The following PCDHA5 variants were observed in gnomAD, a reference collection of about 807,000 sequenced individuals.
PCDHA5 encodes the protein protocadherin alpha-5.
In PCDHA5, 43 loss-of-function variants were observed where a neutral mutation model predicts 61.6. That is an observed-to-expected ratio of 0.70 (90% confidence interval 0.55 to 0.90). PCDHA5 has a LOEUF of 0.90. Ranked by LOEUF, PCDHA5 falls within the 40% of genes least tolerant of loss-of-function variation. The pLI is 0.00. For synonymous variants in PCDHA5, 627 were observed against 543.9 expected (o/e 1.15, Z -2.13); for missense variants, 1,298 against 1,222.7 (o/e 1.06, Z -0.92).
At chr5:140,946,516 C>T (rs551838143) in intron 1 of PCDHA5, among the ~76,000 whole-genome samples, 42 of 151,130 alleles carry the variant, frequency 2.8e-4, no homozygotes, top group African/African-American at 8.3e-4. Flanking sequence ...AAGACCTATC[C>T]GCACTCCCAT....
At chr5:140,828,051 CG>C in intron 1 of PCDHA5, 1 of 1,545,276 alleles carries the variant, frequency 6.5e-7, no homozygotes, top group East Asian at 2.3e-5. Flanking sequence ...TATCTTTATG[CG>C]GAAGATCTTC....
intron 1 of PCDHA5, among the ~76,000 whole-genome samples, chr5:140,940,415 A>G (rs1187271340): frequency 2.0e-5 from 3 of 152,118 alleles, no homozygotes; most frequent in African/African-American, 7.2e-5. Flanking sequence ...TAAAAATTAT[A>G]ATTATTACTG....
At chr5:140,843,626 C>G (rs1779006743) in intron 1 of PCDHA5, 2 of 1,596,058 alleles carry the variant, frequency 1.3e-6, no homozygotes, top group East Asian at 4.5e-5. Context: ...GAAGACGGAC[C>G]TCATGGCCTT....
At position 140,849,901 on chromosome 5, in the gene PCDHA5, C is replaced by T. The variant is rs1554143464; in HGVS notation, c.2352+25774C>T. On this transcript the variant is annotated intron_variant, in intron 1 of 3. Coordinates refer to ENST00000529859, the MANE Select transcript of PCDHA5 (RefSeq NM_018908.3). ...ACGGTGTTCGTGAAGGAGAACAACC[C>T]GCCGGGCTGCCACATCTTCACGGTG... 8.1e-6 allele frequency: 13 copies of T among 1,598,462 alleles called. 2 individuals are homozygous for T. The highest frequency in any genetic ancestry group is 1.1e-5 in the South Asian group (1 of 90,542).
chr5:140,882,816 A>C, intron 1 of PCDHA5: 3 of 1,614,266 alleles, frequency 1.9e-6, no homozygotes, highest in Non-Finnish European at 2.5e-6. Flanking sequence ...TTGGACGCAC[A>C]AAACAGTCTT....
Position 140,982,581 on chromosome 5 carries a change from C to T in PCDHA5, c.2500+18C>T, listed in dbSNP as rs782060139. On this transcript the variant is annotated intron_variant, in intron 3 of 3. Transcript: ENST00000529859. ...AACACCAGGTAAAGAGCTGGGGTCT[C>T]TCCATTCTTTCTTGGTTTCTGGAAA... 9 of 1,612,098 alleles carry T rather than the reference C, an allele frequency of 5.6e-6. No individual in the cohort carries two copies. The highest frequency in any genetic ancestry group is 4.0e-5 in the African/African-American group (3 of 74,892).
chr5:140,902,324 C>T (rs1554190388), intron 1 of PCDHA5, among the ~76,000 whole-genome samples: 1 of 151,472 alleles, frequency 6.6e-6, no homozygotes, highest in Non-Finnish European at 1.5e-5. Flanking sequence ...AGGTGTAACT[C>T]ACTTCGCCTG....
rs782527674 is a variant in PCDHA5 at position 140,876,124 on chromosome 5, G to A, written c.2352+51997G>A. 162 of 1,613,780 alleles carry A rather than the reference G, an allele frequency of 1.0e-4. No individual in the cohort carries two copies. The highest frequency in any genetic ancestry group is 1.3e-4 in the Non-Finnish European group (152 of 1,179,892). ...TTTATTGCTGATGGTAATCGATGGC[G>A]GTAAACCAGAACTAACAGGGTCTGT... On this transcript the variant is annotated intron_variant, in intron 1 of 3. Coordinates refer to ENST00000529859, the MANE Select transcript of PCDHA5 (RefSeq NM_018908.3).
At chr5:140,837,754 G>A (rs2150279444) in intron 1 of PCDHA5, among the ~76,000 whole-genome samples, 1 of 151,678 alleles carries the variant, frequency 6.6e-6, no homozygotes, top group Middle Eastern at 3.4e-3. Context: ...ATAGCCCACT[G>A]CAACCTGAAA....
At chr5:140,924,902 A>AAAAAAT (rs1554202311) in intron 1 of PCDHA5, among the ~76,000 whole-genome samples, 400 of 39,066 alleles carry the variant, frequency 0.01, 1 homozygote, top group Middle Eastern at 0.023. Flanking sequence ...CTCAAAAAAA[A>AAAAAAT]AAATAAAATA....
chr5:140,938,797 G>A (rs76361474), intron 1 of PCDHA5, among the ~76,000 whole-genome samples: 2 of 151,926 alleles, frequency 1.3e-5, no homozygotes, highest in East Asian at 1.9e-4. Flanking sequence ...TGAAATAATC[G>A]GTACCACAAA....
chr5:140,884,604 G>A lies in PCDHA5; in HGVS notation c.2352+60477G>A. The A allele has an allele frequency of 1.2e-6, 2 of 1,614,140 alleles. 1 individual carries two copies. Among genetic ancestry groups the A allele is most frequent in the Middle Eastern group, 3.3e-4 (2 of 6,062 alleles). On this transcript the variant is annotated intron_variant, in intron 1 of 3. Coordinates refer to ENST00000529859, the MANE Select transcript of PCDHA5 (RefSeq NM_018908.3). Reference sequence around the variant, plus strand: ...GCCTTCAGTCCCAGCCTTCCTCCTTGTCTGGGTTCTGCAGAGGGAACAGGC... The same window carrying A: ...GCCTTCAGTCCCAGCCTTCCTCCTTATCTGGGTTCTGCAGAGGGAACAGGC...
chr5:140,843,678 G>A, intron 1 of PCDHA5: 2 of 1,591,412 alleles, frequency 1.3e-6, no homozygotes, highest in Non-Finnish European at 1.7e-6. Flanking sequence ...GTTGATGTAG[G>A]CGAAGAGCAA....
At position 140,982,581 on chromosome 5, in the gene PCDHA5, C is replaced by G. The variant is rs782060139; in HGVS notation, c.2500+18C>G. 6.2e-7 allele frequency: 1 copy of G among 1,612,214 alleles called. No homozygotes were observed. The highest frequency in any genetic ancestry group is 1.1e-5 in the South Asian group (1 of 90,796). The stretch of plus-strand genomic sequence containing the variant: ...AACACCAGGTAAAGAGCTGGGGTCT[C>G]TCCATTCTTTCTTGGTTTCTGGAAA... On this transcript the variant is annotated intron_variant, in intron 3 of 3. Transcript: ENST00000529859.
At position 140,894,665 on chromosome 5, in the gene PCDHA5, G is replaced by T. The variant is rs189476056; in HGVS notation, c.2352+70538G>T. Among the ~76,000 whole-genome samples, 418 of 151,474 alleles carry T rather than the reference G, an allele frequency of 2.8e-3. 2 individuals are homozygous for T. Among genetic ancestry groups the T allele is most frequent in the Middle Eastern group, 0.011 (3 of 280 alleles). On this transcript the variant is annotated intron_variant, in intron 1 of 3. Transcript: ENST00000529859. ...CTGAGTCTCTCTAATTCTGATTTGT[G>T]TATTCTTGCATAGCTTTTCATTATT...
rs140143150 is a variant in PCDHA5 at position 140,828,784 on chromosome 5, A to C, written c.2352+4657A>C. On this transcript the variant is annotated intron_variant, in intron 1 of 3. Coordinates refer to ENST00000529859, the MANE Select transcript of PCDHA5 (RefSeq NM_018908.3). Reference sequence around the variant, plus strand: ...CAGGCACTGTTCAGCTGCTGGTCACAGTGCTGGATGTGAATGATAATGCTC... The same window carrying C: ...CAGGCACTGTTCAGCTGCTGGTCACCGTGCTGGATGTGAATGATAATGCTC... 6.8e-4 allele frequency: 1,103 copies of C among 1,614,228 alleles called. 2 individuals carry two copies. Among genetic ancestry groups the C allele is most frequent in the Non-Finnish European group, 4.9e-4 (579 of 1,180,028 alleles).
chr5:140,939,269 A>G (rs1167199684), intron 1 of PCDHA5, among the ~76,000 whole-genome samples: 1 of 152,070 alleles, frequency 6.6e-6, no homozygotes, highest in Non-Finnish European at 1.5e-5. Flanking sequence ...CTTTTATGAG[A>G]GCTGTGCCCT....
chr5:140,954,771 T>C (rs1314345691), intron 1 of PCDHA5, among the ~76,000 whole-genome samples: 2 of 152,230 alleles, frequency 1.3e-5, no homozygotes, highest in African/African-American at 4.8e-5. Context: ...AGCTCTTTAA[T>C]TTAATTAGAT....
At chr5:140,840,905 T>C (rs1776936709) in intron 1 of PCDHA5, among the ~76,000 whole-genome samples, 1 of 151,998 alleles carries the variant, frequency 6.6e-6, no homozygotes, top group Non-Finnish European at 1.5e-5. Flanking sequence ...ATACAGGTCA[T>C]ACTTAAATTT....
Sources: gnomAD v4.1 joint callset for allele counts (sites outside exome capture counted in the v4.1 genomes callset) on GRCh38, gnomAD v4.1.1 for gene constraint, MANE v1.5 for transcripts, NCBI Gene and HGNC (gene_info 2026-07-23, HGNC 2026-07-21) for gene names.